KIAA1549: variants seen among roughly 807,000 people sequenced by gnomAD.
KIAA1549 encodes the protein UPF0606 protein KIAA1549.
Under a neutral mutation model 156.4 loss-of-function variants are expected in KIAA1549, and 70 were observed. The observed-to-expected ratio is 0.45, with a 90% CI of 0.37 to 0.55. KIAA1549 has a LOEUF of 0.55. KIAA1549 is among the 20% of genes least tolerant of loss of function. The probability of loss-of-function intolerance (pLI) is 0.00; values close to 1 mark genes in which losing one functional copy is unlikely to be tolerated. For missense variants in KIAA1549, 2,428 were observed against 2,540.9 expected, an observed-to-expected ratio of 0.96 and a Z score of 0.96; for synonymous variants, 1,103 against 1,066.4, an observed-to-expected ratio of 1.03 and a Z score of -0.67.
chr7:138,929,953 C>T lies in KIAA1549; in HGVS notation c.188-10515G>A, dbSNP rs371187366. On this transcript the variant is annotated intron_variant, in intron 1 of 19. Transcript: ENST00000422774. The stretch of plus-strand genomic sequence containing the variant: ...CAAGCAATCCTCCTGCCTCGGCCTC[C>T]CAAAGTGAGTCACCGCACCCAGCCA... Among the ~76,000 whole-genome samples the T allele has an allele frequency of 1.4e-4, 22 of 152,278 alleles. No homozygotes were observed. The South Asian group carries it at 4.4e-3, about 30-fold the overall frequency.
At chr7:138,841,003 T>C (rs143442693) in intron 18 of KIAA1549, among the ~76,000 whole-genome samples, 187 of 152,364 alleles carry the variant, frequency 1.2e-3, no homozygotes, top group Non-Finnish European at 2.0e-3. Flanking sequence ...TCCTGGACTC[T>C]GATTTTCTTT....
At position 138,844,415 on chromosome 7, in the gene KIAA1549, T is replaced by C; in HGVS notation, c.5354A>G (p.Gln1785Arg). The C allele has an allele frequency of 6.3e-7, 1 of 1,599,792 alleles. No individual in the cohort carries two copies. Among genetic ancestry groups the C allele is most frequent in the Non-Finnish European group, 8.5e-7 (1 of 1,172,916 alleles). ...STELVPPDPQ[Q>R]PQASAEAPFA... Reference sequence around the variant, plus strand: ...TGGGGCTTCGGCGGAGGCCTGTGGCTGCTGAGGGTCAGGGGGCACCAGCTC... The same window carrying C: ...TGGGGCTTCGGCGGAGGCCTGTGGCCGCTGAGGGTCAGGGGGCACCAGCTC... Residue 1785 changes from glutamine to arginine, a missense_variant, in exon 18 of 20, where the codon CAG (glutamine) becomes CGG (arginine). By Grantham distance (43) the Gln-to-Arg change is conservative. Transcript: ENST00000422774.
At chr7:138,943,836 G>A (rs980203794) in intron 1 of KIAA1549, among the ~76,000 whole-genome samples, 7 of 150,804 alleles carry the variant, frequency 4.6e-5, no homozygotes, top group Admixed American at 2.0e-4. Flanking sequence ...GCGACAGAGT[G>A]AGACTCCATC....
At chr7:138,959,750 C>T (rs1813782046) in intron 1 of KIAA1549, among the ~76,000 whole-genome samples, 1 of 152,194 alleles carries the variant, frequency 6.6e-6, no homozygotes, top group African/African-American at 2.4e-5. Context: ...TAACTTGATA[C>T]ATTCCTAAGA....
In KIAA1549 at chr7:138,917,153, G is replaced by A. The variant is rs767471417; in HGVS notation, c.2473C>T (p.Leu825=). Residue 825 remains leucine, a synonymous_variant, in exon 2 of 20, where the codon CTG becomes TTG. Coordinates refer to ENST00000422774, the MANE Select transcript of KIAA1549 (RefSeq NM_001164665.2). ...GGAATGGCTTTGGAGAAAGAGGCCA[G>A]GACAGACACGTGACCGTCTAGAGCA... ...ISALDGHVSV[L]ASFSKAIPTG... is the part of the protein sequence containing the mutation. The A allele has an allele frequency of 6.2e-6, 10 of 1,613,806 alleles. No homozygotes were observed. In the South Asian group the frequency reaches 1.1e-4, roughly 18 times the overall value.
intron 1 of KIAA1549, among the ~76,000 whole-genome samples, chr7:138,926,296 CTTTTTT>C (rs5887911): frequency 1.3e-5 from 2 of 150,038 alleles, no homozygotes; most frequent in African/African-American, 4.9e-5. Context: ...TTTTCTTTTT[CTTTTTT>C]TTTGAGACAG....
At chr7:138,898,545 C>T (rs1242798371) in intron 9 of KIAA1549, among the ~76,000 whole-genome samples, 1 of 152,100 alleles carries the variant, frequency 6.6e-6, no homozygotes, top group Non-Finnish European at 1.5e-5. Context: ...ATTCAGGGTG[C>T]ACCTCCCAGC....
chr7:138,859,255 G>A (rs1033828553), intron 16 of KIAA1549, among the ~76,000 whole-genome samples: 2 of 151,886 alleles, frequency 1.3e-5, no homozygotes, highest in South Asian at 2.1e-4. Context: ...CTATTGAATC[G>A]GGACTCTACC....
intron 1 of KIAA1549, among the ~76,000 whole-genome samples, chr7:138,922,467 T>G (rs1812592351): frequency 6.6e-6 from 1 of 152,042 alleles, no homozygotes; most frequent in Non-Finnish European, 1.5e-5. Context: ...TTGAATCAGA[T>G]CTATAAAAAC....
Position 138,903,621 on chromosome 7 carries a change from C to G in KIAA1549, c.3636G>C (p.Arg1212Ser). The G allele has an allele frequency of 1.2e-6, 2 of 1,613,722 alleles. No homozygotes were observed. Among genetic ancestry groups the G allele is most frequent in the Non-Finnish European group, 1.7e-6 (2 of 1,179,852 alleles). Residue 1212 changes from arginine (R) to serine (S), a missense_variant, in exon 8 of 20, where the codon AGG becomes AGC. This residue lies in a region of KIAA1549 where 762 missense variants were observed against 901.6 expected (regional missense o/e 0.85). Transcript: ENST00000422774. ...EVSTRRRMWR[R>S]ATVAAGNSVV... is the part of the protein sequence containing the mutation. Reference sequence around the variant, plus strand: ...CACTGTTCCCTGCAGCTACAGTGGCCCTTCTCCACATCCGCCTTCTGGTGG... The same window carrying G: ...CACTGTTCCCTGCAGCTACAGTGGCGCTTCTCCACATCCGCCTTCTGGTGG...
chr7:138,872,137 A>G (rs1419569213), intron 12 of KIAA1549, among the ~76,000 whole-genome samples: 1 of 152,098 alleles, frequency 6.6e-6, no homozygotes, highest in Admixed American at 6.6e-5. Flanking sequence ...AGTAGAGACA[A>G]GGTTTCACGA....
intron 8 of KIAA1549, among the ~76,000 whole-genome samples, chr7:138,899,618 C>T (rs1180132537): frequency 6.6e-6 from 1 of 152,188 alleles, no homozygotes; most frequent in African/African-American, 2.4e-5. Flanking sequence ...GCTCTACTGA[C>T]AATCCCTTGA....
chr7:138,905,709 T>A (rs1173945096), intron 6 of KIAA1549, among the ~76,000 whole-genome samples: 1 of 147,616 alleles, frequency 6.8e-6, no homozygotes, highest in African/African-American at 2.5e-5. Flanking sequence ...AATCTACTAT[T>A]TTTTTTTTTT....
At chr7:138,890,296 A>G (rs1811511967) in intron 10 of KIAA1549, among the ~76,000 whole-genome samples, 2 of 152,250 alleles carry the variant, frequency 1.3e-5, no homozygotes, top group South Asian at 4.1e-4. Flanking sequence ...TATTCGGGTT[A>G]GCCTGAGCCC....
At chr7:138,862,202 C>T (rs374866065) in intron 15 of KIAA1549, among the ~76,000 whole-genome samples, 1 of 152,064 alleles carries the variant, frequency 6.6e-6, no homozygotes, top group East Asian at 1.9e-4. Context: ...CATATTAAAA[C>T]TATGCATGTG....
chr7:138,860,814 A>G (rs1276253121), intron 16 of KIAA1549, among the ~76,000 whole-genome samples: 2 of 152,166 alleles, frequency 1.3e-5, no homozygotes, highest in Non-Finnish European at 2.9e-5. Flanking sequence ...TTTGACGGTT[A>G]CCCCACCTCC....
At chr7:138,910,510 G>A (rs966739516) in intron 4 of KIAA1549, among the ~76,000 whole-genome samples, 2 of 148,512 alleles carry the variant, frequency 1.3e-5, no homozygotes, top group Admixed American at 6.9e-5. Context: ...TGATTCTCCT[G>A]CCCCAGCCAC....
chr7:138,922,943 CAAG>C (rs961109048), intron 1 of KIAA1549, among the ~76,000 whole-genome samples: 1 of 151,598 alleles, frequency 6.6e-6, no homozygotes, highest in Non-Finnish European at 1.5e-5. Context: ...CAAAAAATCC[CAAG>C]GAGGGTGAAT....
chr7:138,936,968 G>C (rs1333667942), intron 1 of KIAA1549, among the ~76,000 whole-genome samples: 1 of 152,008 alleles, frequency 6.6e-6, no homozygotes, highest in Non-Finnish European at 1.5e-5. Flanking sequence ...AATCAATTCT[G>C]TATATATGAA....
Sources: gnomAD v4.1 joint callset for allele counts (sites outside exome capture counted in the v4.1 genomes callset) on GRCh38, gnomAD v4.1.1 for gene constraint, gnomAD v4.1.1 regional missense constraint, MANE v1.5 for transcripts, NCBI Gene and HGNC (gene_info 2026-07-23, HGNC 2026-07-21) for gene names.